Variants in WDR41 observed in about 807,000 individuals in gnomAD.
WDR41 encodes the protein WD repeat-containing protein 41.
WDR41 carries 63 observed loss-of-function variants against 69.3 expected under a neutral mutation model. The ratio of observed to expected loss-of-function variants is 0.91; its 90% CI spans 0.74 to 1.12. WDR41 has a LOEUF of 1.12. Among genes scored for constraint, WDR41 ranks in the 50% most tolerant of loss-of-function variants. WDR41 has a pLI of 0.00. For synonymous variants in WDR41, 185 were observed against 192.1 expected (o/e 0.96, Z 0.31); for missense variants, 543 against 534.5 (o/e 1.02, Z -0.16).
chr5:77,461,808 A>G (rs1007812974), intron 4 of WDR41, among the ~76,000 whole-genome samples: 4 of 152,036 alleles, frequency 2.6e-5, no homozygotes, highest in Admixed American at 2.6e-4. Flanking sequence ...ACTGCACTCC[A>G]GCTTGGGCAA....
Position 77,521,993 on chromosome 5 carries a change from G to T in WDR41, c.43-32421C>A, listed in dbSNP as rs74814425. Among the ~76,000 whole-genome samples, 8 of 152,250 alleles carry T rather than the reference G, an allele frequency of 5.3e-5. No homozygotes were observed. The East Asian group carries it at 9.7e-4, about 18-fold the overall frequency. ...GGTTGCACCTACTAGCTTAGTAATGGGATGAATCACATGGTTCCTCATAAG... is the reference window on the plus strand; with the variant it reads ...GGTTGCACCTACTAGCTTAGTAATGTGATGAATCACATGGTTCCTCATAAG... On this transcript the variant is annotated intron_variant, in intron 1 of 5. Coordinates refer to the WDR41 transcript ENST00000509971.
intron 1 of WDR41, among the ~76,000 whole-genome samples, chr5:77,568,170 A>G (rs1398206786): frequency 6.6e-6 from 1 of 152,172 alleles, no homozygotes; most frequent in Non-Finnish European, 1.5e-5. Flanking sequence ...TAAGGGCAGT[A>G]TCAGGCTTAT....
At position 77,558,094 on chromosome 5, in the gene WDR41, T is replaced by TAA. The variant is rs71608105; in HGVS notation, c.42+62383_42+62384dup. On this transcript the variant is annotated intron_variant, in intron 1 of 5. Transcript: ENST00000509971. ...CATAGGGAACTTCAAATGTTCTTTT[T>TAA]AAAAAAAAAAAAAAAAAAAAAACAA... is the stretch of plus-strand genomic sequence containing the variant. Among the ~76,000 whole-genome samples the TAA allele has an allele frequency of 5.6e-3, 588 of 104,146 alleles. 12 individuals are homozygous for TAA. Among genetic ancestry groups the TAA allele is most frequent in the African/African-American group, 0.012 (326 of 27,760 alleles). The allele number at this position is 104,146 out of a possible 152,430, so 68.3% of individuals were successfully genotyped here. A position where few individuals can be genotyped will look rare whatever the true frequency, so the allele number is the denominator to read the frequency against.
intron 1 of WDR41, among the ~76,000 whole-genome samples, chr5:77,517,261 T>C (rs1196698837): frequency 1.3e-5 from 2 of 152,082 alleles, no homozygotes; most frequent in African/African-American, 2.4e-5. Context: ...CATAGTAATG[T>C]AATACAGTTC....
At chr5:77,463,819 C>A (rs1199513153) in intron 3 of WDR41, among the ~76,000 whole-genome samples, 1 of 152,096 alleles carries the variant, frequency 6.6e-6, no homozygotes. Flanking sequence ...ATGTAAATGG[C>A]AAATCTTTCC....
chr5:77,522,230 T>G (rs958883768), intron 1 of WDR41, among the ~76,000 whole-genome samples: 1 of 152,124 alleles, frequency 6.6e-6, no homozygotes, highest in Non-Finnish European at 1.5e-5. Context: ...AAGTAAGAGC[T>G]ATGGAGTTGA....
At chr5:77,497,689 C>CA (rs70988685) in intron 1 of WDR41, among the ~76,000 whole-genome samples, 58,999 of 91,698 alleles carry the variant, frequency 0.64, 13,276 homozygotes, top group Non-Finnish European at 0.67. Flanking sequence ...AATCGTTTAG[C>CA]AACCCTCGAA....
At chr5:77,605,794 C>T (rs1744405046) in intron 1 of WDR41, among the ~76,000 whole-genome samples, 1 of 152,018 alleles carries the variant, frequency 6.6e-6, no homozygotes, top group African/African-American at 2.4e-5. Context: ...CATTATCTGT[C>T]AAATAACCCT....
chr5:77,619,898 G>A (rs896614789), intron 1 of WDR41, among the ~76,000 whole-genome samples: 4 of 152,080 alleles, frequency 2.6e-5, no homozygotes, highest in South Asian at 2.1e-4. Context: ...TCAATCCCTC[G>A]GGGAACCTGT....
At chr5:77,433,571 T>TTGGTTTTAC (rs1486193924) in intron 12 of WDR41, among the ~76,000 whole-genome samples, 1 of 152,214 alleles carries the variant, frequency 6.6e-6, no homozygotes, top group Non-Finnish European at 1.5e-5. Flanking sequence ...TTTTCAAGTA[T>TTGGTTTTAC]TGGTTTTACT....
Position 77,503,626 on chromosome 5 carries a change from G to A in WDR41, c.43-14054C>T, listed in dbSNP as rs147900353. Among the ~76,000 whole-genome samples the A allele has an allele frequency of 4.5e-3, 689 of 152,250 alleles. 2 individuals carry two copies. Among genetic ancestry groups the A allele is most frequent in the African/African-American group, 0.016 (664 of 41,528 alleles). On this transcript the variant is annotated intron_variant, in intron 1 of 5. Transcript: ENST00000509971. ...TCTAAAATTGACCACATAATTGGAA[G>A]TAAAGCACTCCTCAGCAAATATAAG...
chr5:77,524,685 C>T (rs954579093), intron 1 of WDR41, among the ~76,000 whole-genome samples: 18 of 152,042 alleles, frequency 1.2e-4, no homozygotes, highest in Non-Finnish European at 1.3e-4. Context: ...TCTAGTTTTC[C>T]TCAACTCCAT....
At chr5:77,531,146 T>C (rs141210258) in intron 1 of WDR41, among the ~76,000 whole-genome samples, 2 of 151,814 alleles carry the variant, frequency 1.3e-5, no homozygotes, top group Non-Finnish European at 3.0e-5. Flanking sequence ...GCAACACAAA[T>C]AGGTAAATTG....
At chr5:77,612,573 G>A (rs1744584525) in intron 1 of WDR41, among the ~76,000 whole-genome samples, 2 of 152,040 alleles carry the variant, frequency 1.3e-5, no homozygotes, top group Admixed American at 6.6e-5. Flanking sequence ...TGCAGAAAAG[G>A]CCTTTGACAA....
rs79415409 is a variant in WDR41 at position 77,587,271 on chromosome 5, T to A, written c.42+33208A>T. Among the ~76,000 whole-genome samples the A allele has an allele frequency of 6.5e-3, 991 of 152,244 alleles. 18 individuals carry two copies. The highest frequency in any genetic ancestry group is 0.02 in the African/African-American group (813 of 41,534). ...GGACATTTGATTTATGCTCCAGTTTTTGGCTACTACAAATAATACTTCCCT... is the reference window on the plus strand; with the variant it reads ...GGACATTTGATTTATGCTCCAGTTTATGGCTACTACAAATAATACTTCCCT... On this transcript the variant is annotated intron_variant, in intron 1 of 5. Transcript: ENST00000509971.
chr5:77,433,362 G>C, intron 12 of WDR41, 75 bp from the exon 13 acceptor site: 2 of 1,413,484 alleles, frequency 1.4e-6, no homozygotes, highest in Non-Finnish European at 1.9e-6. Flanking sequence ...TAACACATGT[G>C]CGTGTGAGAT....
At chr5:77,580,100 C>T (rs1328297166) in intron 1 of WDR41, among the ~76,000 whole-genome samples, 1 of 152,102 alleles carries the variant, frequency 6.6e-6, no homozygotes, top group Non-Finnish European at 1.5e-5. Flanking sequence ...GATAGATAGA[C>T]ATTATTGAAA....
chr5:77,511,734 A>C (rs1183105638), intron 1 of WDR41, among the ~76,000 whole-genome samples: 2 of 152,136 alleles, frequency 1.3e-5, no homozygotes, highest in Non-Finnish European at 2.9e-5. Flanking sequence ...AAGGTGCAAG[A>C]ATAGATGAGC....
intron 8 of WDR41, 112 bp from the exon 9 acceptor site, chr5:77,441,109 G>T: frequency 8.8e-7 from 1 of 1,135,576 alleles, no homozygotes; most frequent in Non-Finnish European, 1.2e-6. Flanking sequence ...TTAGAACAGT[G>T]AGGTACCTAG....
Sources: gnomAD v4.1 joint callset for allele counts (sites outside exome capture counted in the v4.1 genomes callset) on GRCh38, gnomAD v4.1.1 for gene constraint, MANE v1.5 for transcripts, NCBI Gene and HGNC (gene_info 2026-07-23, HGNC 2026-07-21) for gene names.